Variants in NCR3 observed in about 807,000 individuals in gnomAD.
NCR3 encodes natural cytotoxicity triggering receptor 3.
A neutral mutation model predicts 16.1 loss-of-function variants in NCR3; 13 were observed. The ratio of observed to expected loss-of-function variants is 0.81; its 90% CI spans 0.53 to 1.28. The LOEUF (loss-of-function observed/expected upper bound fraction) is 1.28, where lower values mean the gene tolerates loss of function less well. Ranked by LOEUF, NCR3 falls within the 50% of genes most tolerant of loss-of-function variation. The pLI is 0.00. For synonymous variants in NCR3, 98 were observed against 106.6 expected, an observed-to-expected ratio of 0.92 and a Z score of 0.50; for missense variants, 202 against 256.8, an observed-to-expected ratio of 0.79 and a Z score of 1.46.
At chr6:31,591,455 T>C (rs1772627490) in intron 1 of NCR3, among the ~76,000 whole-genome samples, 2 of 152,218 alleles carry the variant, frequency 1.3e-5, no homozygotes, top group African/African-American at 4.8e-5. Flanking sequence ...TTCCCAGAAA[T>C]CCACATTTTG....
In NCR3 at chr6:31,589,025, G is replaced by A. The variant is rs769300249; in HGVS notation, c.*42C>T. 6.6e-7 allele frequency: 1 copy of A among 1,522,342 alleles called. No individual in the cohort carries two copies. The highest frequency in any genetic ancestry group is 2.3e-5 in the East Asian group (1 of 43,946). The allele number at this position is 1,522,342 out of a possible 1,614,324, so 94.3% of individuals were successfully genotyped here. A position where few individuals can be genotyped will look rare whatever the true frequency, so the allele number is the denominator to read the frequency against. On this transcript the variant is annotated 3_prime_UTR_variant, in exon 4 of 4. Coordinates refer to ENST00000340027, the MANE Select transcript of NCR3 (RefSeq NM_147130.3). This position sits in a 1 kb window ranked among gnomAD's most constrained non-coding sequence, Gnocchi z 4.8. ...GGCAGGAAAGGGCAGTTGCCAAGGA[G>A]GAGTCATATCTGATCCTTCCCATTT...
Position 31,592,789 on chromosome 6 carries a change from A to AC in NCR3, c.-69dup. On this transcript the variant is annotated 5_prime_UTR_variant, in exon 1 of 4. Coordinates refer to ENST00000340027, the MANE Select transcript of NCR3 (RefSeq NM_147130.3). The stretch of plus-strand genomic sequence containing the variant: ...GGTCTGGGTGGAGGAGGAAGGACTC[A>AC]CTACTTGTAGCCAGGCCTTTGGTCA... 2 of 1,575,504 alleles carry AC rather than the reference A, an allele frequency of 1.3e-6. No homozygotes were observed. Among genetic ancestry groups the AC allele is most frequent in the Middle Eastern group, 1.7e-4 (1 of 5,996 alleles).
At position 31,589,137 on chromosome 6, in the gene NCR3, A is replaced by G. The variant is rs1772372588; in HGVS notation, c.536T>C (p.Val179Ala). The change falls in exon 4 of 4, where the codon GTG (valine) becomes GCG (alanine). Residue 179 changes from valine (V) to alanine (A), a missense_variant. Physicochemically the swap from Val to Ala is moderately conservative, Grantham distance 64. Coordinates refer to ENST00000340027, the MANE Select transcript of NCR3 (RefSeq NM_147130.3). This position sits in a 1 kb window ranked among gnomAD's most constrained non-coding sequence, Gnocchi z 4.8. ...WKGPRRQLPA[V>A]VPAPLPPPCG... ...TGGTGGTGGGAGGGGCGCTGGGACCACAGCCGGCAGCTGCCTTCTTGGACC... is the reference window on the plus strand; with the variant it reads ...TGGTGGTGGGAGGGGCGCTGGGACCGCAGCCGGCAGCTGCCTTCTTGGACC... The G allele has an allele frequency of 6.2e-7, 1 of 1,613,726 alleles. No homozygotes were observed. Among genetic ancestry groups the G allele is most frequent in the Admixed American group, 1.7e-5 (1 of 59,974 alleles).
At chr6:31,591,269 A>G (rs1234121614) in intron 1 of NCR3, among the ~76,000 whole-genome samples, 1 of 152,234 alleles carries the variant, frequency 6.6e-6, no homozygotes, top group Non-Finnish European at 1.5e-5. Flanking sequence ...CAAATATTAA[A>G]ATCCCTGATT....
chr6:31,590,472 T>C (rs1016271103), intron 1 of NCR3, among the ~76,000 whole-genome samples: 2 of 151,860 alleles, frequency 1.3e-5, no homozygotes, highest in Non-Finnish European at 2.9e-5. Context: ...CATGGTGGTG[T>C]GCACCTGTAA....
chr6:31,589,122 AG>A lies in NCR3; in HGVS notation c.550del (p.Leu184SerfsTer76). ...TGCTGAGCTCCCACATGGTGGTGGGAGGGGCGCTGGGACCACAGCCGGCAGC... is the reference window on the plus strand; with the variant it reads ...TGCTGAGCTCCCACATGGTGGTGGGAGGGCGCTGGGACCACAGCCGGCAGC... ...RQLPAVVPAP[L>X]PPPCGSSAHL... is the part of the protein sequence containing the mutation. On this transcript the variant is annotated frameshift_variant, in exon 4 of 4. Transcript: ENST00000340027. LOFTEE classifies it low-confidence loss of function (END_TRUNC). The surrounding 1 kb of genome is among the most constrained non-coding windows in gnomAD (Gnocchi z 4.8). The A allele has an allele frequency of 1.9e-6, 3 of 1,612,616 alleles. No individual in the cohort carries two copies. Among genetic ancestry groups the A allele is most frequent in the African/African-American group, 2.7e-5 (2 of 74,976 alleles).
chr6:31,592,312 C>T (rs1772691796), intron 1 of NCR3, among the ~76,000 whole-genome samples: 1 of 150,290 alleles, frequency 6.7e-6, no homozygotes, highest in Non-Finnish European at 1.5e-5. Context: ...ACTCAGGAGG[C>T]TGAGGCAGGA....
chr6:31,589,195 C>T lies in NCR3; in HGVS notation c.497-19G>A, dbSNP rs1772380566. On this transcript the variant is annotated intron_variant, in intron 3 of 3. Coordinates refer to ENST00000340027, the MANE Select transcript of NCR3 (RefSeq NM_147130.3). The surrounding 1 kb of genome is among the most constrained non-coding windows in gnomAD (Gnocchi z 4.8). ...GTCAGACCTGGTGGAAGGGAAAGTTCAGAGTTGGGGGAATCCGGAGAGAGT... is the reference window on the plus strand; with the variant it reads ...GTCAGACCTGGTGGAAGGGAAAGTTTAGAGTTGGGGGAATCCGGAGAGAGT... 6.2e-7 allele frequency: 1 copy of T among 1,611,384 alleles called. No homozygotes were observed. The highest frequency in any genetic ancestry group is 8.5e-7 in the Non-Finnish European group (1 of 1,178,920).
intron 1 of NCR3, 62 bp downstream of exon 1, chr6:31,592,617 G>T: frequency 6.3e-7 from 1 of 1,591,046 alleles, no homozygotes; most frequent in South Asian, 1.1e-5. Context: ...ATCTAGTCCA[G>T]CCTCCTGGAT....
At chr6:31,590,517 G>A (rs540333375) in intron 1 of NCR3, among the ~76,000 whole-genome samples, 15 of 152,170 alleles carry the variant, frequency 9.9e-5, no homozygotes, top group Admixed American at 5.2e-4. Context: ...CAGGAGAATC[G>A]CTTGAACCCG....
In NCR3 at chr6:31,588,946, A is replaced by G. The variant is rs1224280680; in HGVS notation, c.*121T>C. On this transcript the variant is annotated 3_prime_UTR_variant, in exon 4 of 4. Coordinates refer to ENST00000340027, the MANE Select transcript of NCR3 (RefSeq NM_147130.3). ...AATAGTAATTTATTGGGTGAATGACAGTGTTCAGGGACCCAAGCTCCCCTA... is the reference window on the plus strand; with the variant it reads ...AATAGTAATTTATTGGGTGAATGACGGTGTTCAGGGACCCAAGCTCCCCTA... The G allele has an allele frequency of 8.0e-6, 9 of 1,118,930 alleles. No individual in the cohort carries two copies. Among genetic ancestry groups the G allele is most frequent in the Non-Finnish European group, 1.1e-5 (9 of 798,190 alleles). The allele number at this position is 1,118,930 out of a possible 1,614,324, so 69.3% of individuals were successfully genotyped here. A position where few individuals can be genotyped will look rare whatever the true frequency, so the allele number is the denominator to read the frequency against.
In NCR3 at chr6:31,592,849, G is replaced by A; in HGVS notation, c.-128C>T. 3.3e-6 allele frequency: 3 copies of A among 913,978 alleles called. No homozygotes were observed. The South Asian group carries it at 4.2e-5, about 13-fold the overall frequency. The allele number at this position is 913,978 out of a possible 1,614,324, so 56.6% of individuals were successfully genotyped here. ...GATGGGGAGCTTCCTATGACACACG[G>A]GACTCACACATCACTTGCCAAGGAC... On this transcript the variant is annotated 5_prime_UTR_variant, in exon 1 of 4. Transcript: ENST00000340027.
chr6:31,589,512 G>T lies in NCR3; in HGVS notation c.496+14C>A. 6.2e-7 allele frequency: 1 copy of T among 1,613,526 alleles called. No individual in the cohort carries two copies. The highest frequency in any genetic ancestry group is 8.5e-7 in the Non-Finnish European group (1 of 1,179,628). On this transcript the variant is annotated intron_variant, in intron 3 of 3. Transcript: ENST00000340027. The surrounding 1 kb of genome is among the most constrained non-coding windows in gnomAD (Gnocchi z 4.8). ...CCCATCCCGTCCACTATTGCCCCTG[G>T]CTCCATTACTCACATTTGCCCTGGT...
chr6:31,591,310 A>C (rs1310651166), intron 1 of NCR3, among the ~76,000 whole-genome samples: 1 of 152,238 alleles, frequency 6.6e-6, no homozygotes, highest in Non-Finnish European at 1.5e-5. Context: ...TTTACAAGTC[A>C]TTCTATTTCA....
Position 31,592,830 on chromosome 6 carries a change from G to T in NCR3, c.-109C>A. 8.3e-7 allele frequency: 1 copy of T among 1,201,344 alleles called. No individual in the cohort carries two copies. 74.4% of individuals were successfully genotyped at this position (1,201,344 alleles called of 1,614,324 possible). On this transcript the variant is annotated 5_prime_UTR_variant, in exon 1 of 4. Coordinates refer to ENST00000340027, the MANE Select transcript of NCR3 (RefSeq NM_147130.3). ...CCTTTGGTCACCAGATGGGGATGGG[G>T]AGCTTCCTATGACACACGGGACTCA...
Position 31,592,391 on chromosome 6 carries a change from G to A in NCR3, c.43+288C>T, listed in dbSNP as rs9461712. 2.3e-3 allele frequency among the ~76,000 whole-genome samples: 341 copies of A among 145,780 alleles called. 2 individuals are homozygous for A. Among genetic ancestry groups the A allele is most frequent in the African/African-American group, 7.3e-3 (288 of 39,258 alleles). Reference sequence around the variant, plus strand: ...TCGCACCACGGCACTCCAGCCAGGCGACAGAGCGAGACTCAGTCTCAAAAA... The same window carrying A: ...TCGCACCACGGCACTCCAGCCAGGCAACAGAGCGAGACTCAGTCTCAAAAA... On this transcript the variant is annotated intron_variant, in intron 1 of 3. Transcript: ENST00000340027.
At position 31,589,471 on chromosome 6, in the gene NCR3, C is replaced by G; in HGVS notation, c.496+55G>C. ...CTGGTCTCTGTCCTCCCTCCTCCCA[C>G]TCTCTTACTGCCCCTCCCATCCCGT... is the stretch of plus-strand genomic sequence containing the variant. On this transcript the variant is annotated intron_variant, in intron 3 of 3. Transcript: ENST00000340027. This position sits in a 1 kb window ranked among gnomAD's most constrained non-coding sequence, Gnocchi z 4.8. 2 of 1,603,740 alleles carry G rather than the reference C, an allele frequency of 1.2e-6. No individual in the cohort carries two copies. Among genetic ancestry groups the G allele is most frequent in the Non-Finnish European group, 1.7e-6 (2 of 1,173,698 alleles).
Position 31,589,851 on chromosome 6 carries a change from C to A in NCR3, c.319G>T (p.Val107Leu), listed in dbSNP as rs199967105. 1.2e-6 allele frequency: 2 copies of A among 1,613,284 alleles called. No homozygotes were observed. Among genetic ancestry groups the A allele is most frequent in the South Asian group, 1.1e-5 (1 of 91,092 alleles). The change falls in exon 2 of 4, where the codon GTG (valine) becomes TTG (leucine). Residue 107 changes from valine (V) to leucine (L), a missense_variant. Coordinates refer to ENST00000340027, the MANE Select transcript of NCR3 (RefSeq NM_147130.3). The surrounding 1 kb of genome is among the most constrained non-coding windows in gnomAD (Gnocchi z 4.8). ...DVRGHDASIY[V>L]CRVEVLGLGV... ...AGGCCCAGCACCTCCACTCTGCACA[C>A]GTAGATGCTGGCGTCATGGCCTCGC...
At chr6:31,592,143 A>G (rs1772676427) in intron 1 of NCR3, among the ~76,000 whole-genome samples, 1 of 148,502 alleles carries the variant, frequency 6.7e-6, no homozygotes, top group Admixed American at 6.8e-5. Flanking sequence ...CCAGCTACCT[A>G]GGAGGCTGAG....
Sources: gnomAD v4.1 joint callset for allele counts (sites outside exome capture counted in the v4.1 genomes callset) on GRCh38, gnomAD v4.1.1 for gene constraint, Gnocchi (gnomAD v3.1) non-coding constraint, MANE v1.5 for transcripts, NCBI Gene and HGNC (gene_info 2026-07-23, HGNC 2026-07-21) for gene names.